Variants in PLPP4 observed in about 807,000 individuals in gnomAD.
PLPP4 encodes phospholipid phosphatase 4, also known as diacylglycerol pyrophosphate like 2.
In PLPP4, 20 loss-of-function variants were observed where a neutral mutation model predicts 32.2. That is an observed-to-expected ratio of 0.62 (90% CI 0.44 to 0.90). The LOEUF (loss-of-function observed/expected upper bound fraction) is 0.90, where lower values mean the gene tolerates loss of function less well. PLPP4 is among the 40% of genes least tolerant of loss of function. The probability of loss-of-function intolerance (pLI) is 0.00; values close to 1 mark genes in which losing one functional copy is unlikely to be tolerated. For missense variants in PLPP4, 257 were observed against 353.1 expected, an observed-to-expected ratio of 0.73 and a Z score of 2.18; for synonymous variants, 127 against 133.0, an observed-to-expected ratio of 0.95 and a Z score of 0.31.
At chr10:120,541,388 C>A (rs535808623) in intron 5 of PLPP4, among the ~76,000 whole-genome samples, 1 of 152,316 alleles carries the variant, frequency 6.6e-6, no homozygotes, top group South Asian at 2.1e-4. Flanking sequence ...AGAAACTGAT[C>A]TCTGTCCCCA....
At chr10:120,541,668 C>T (rs2133962411) in intron 5 of PLPP4, among the ~76,000 whole-genome samples, 1 of 152,258 alleles carries the variant, frequency 6.6e-6, no homozygotes, top group Non-Finnish European at 1.5e-5. Context: ...GATCCACCTG[C>T]TTCAGAAACT....
At chr10:120,514,361 T>C (rs1328339551) in intron 3 of PLPP4, among the ~76,000 whole-genome samples, 1 of 152,194 alleles carries the variant, frequency 6.6e-6, no homozygotes, top group African/African-American at 2.4e-5. Flanking sequence ...TTTTGGCTAA[T>C]AGACCCACAT....
At chr10:120,582,122 A>G (rs760945758) in intron 6 of PLPP4, among the ~76,000 whole-genome samples, 14 of 152,210 alleles carry the variant, frequency 9.2e-5, no homozygotes, top group African/African-American at 1.2e-4. Context: ...AGGTACTTGT[A>G]TCAGGGTCCT....
intron 5 of PLPP4, among the ~76,000 whole-genome samples, chr10:120,570,090 G>T (rs1207314173): frequency 1.3e-5 from 2 of 152,130 alleles, no homozygotes; most frequent in Non-Finnish European, 1.5e-5. Flanking sequence ...GGGATGAAAT[G>T]AGGCAACCTA....
intron 5 of PLPP4, among the ~76,000 whole-genome samples, chr10:120,528,785 T>G (rs1355120462): frequency 6.6e-6 from 1 of 152,208 alleles, no homozygotes; most frequent in East Asian, 1.9e-4. Context: ...TGTTGTTTTT[T>G]TGTTTTGTTT....
At chr10:120,463,811 G>A (rs1848185950) in intron 1 of PLPP4, among the ~76,000 whole-genome samples, 1 of 151,828 alleles carries the variant, frequency 6.6e-6, no homozygotes, top group South Asian at 2.1e-4. Flanking sequence ...AGGCCCCAGA[G>A]GATTCTTTTT....
intron 1 of PLPP4, among the ~76,000 whole-genome samples, chr10:120,496,912 A>T (rs2901243): frequency 6.7e-6 from 1 of 149,420 alleles, no homozygotes. Context: ...AGAATGTGTG[A>T]GTGTGTGTGT....
intron 5 of PLPP4, among the ~76,000 whole-genome samples, chr10:120,552,165 G>GGGGTGTGT (rs370982803): frequency 5.1e-5 from 7 of 138,546 alleles, no homozygotes; most frequent in East Asian, 2.2e-4. Flanking sequence ...GTGGTGGTGG[G>GGGGTGTGT]GTGTGTGTGT....
At chr10:120,542,436 G>A (rs1847390672) in intron 5 of PLPP4, among the ~76,000 whole-genome samples, 2 of 152,176 alleles carry the variant, frequency 1.3e-5, no homozygotes, top group Non-Finnish European at 2.9e-5. Context: ...CACAAAGGAA[G>A]CCTCTGGGTA....
chr10:120,509,429 T>C (rs566497489), intron 2 of PLPP4, among the ~76,000 whole-genome samples: 4 of 152,298 alleles, frequency 2.6e-5, no homozygotes, highest in African/African-American at 9.6e-5. Flanking sequence ...CATACAAAAC[T>C]AGCCACATTC....
intron 5 of PLPP4, among the ~76,000 whole-genome samples, chr10:120,545,381 A>G (rs1046595986): frequency 9.2e-5 from 14 of 152,248 alleles, no homozygotes; most frequent in Non-Finnish European, 1.9e-4. Flanking sequence ...ACACAAAGCC[A>G]AGGGACGAGT....
intron 5 of PLPP4, among the ~76,000 whole-genome samples, chr10:120,570,954 C>CA (rs2134040239): frequency 6.6e-6 from 1 of 152,188 alleles, no homozygotes; most frequent in South Asian, 2.1e-4. Flanking sequence ...CTTTCCTACT[C>CA]ACAGACAGAT....
intron 5 of PLPP4, among the ~76,000 whole-genome samples, chr10:120,564,955 A>G (rs1227036301): frequency 2.6e-5 from 4 of 151,942 alleles, no homozygotes; most frequent in Admixed American, 2.6e-4. Context: ...GTCCTTTCTT[A>G]TACTGTTTTT....
At chr10:120,487,697 A>G (rs1029484586) in intron 1 of PLPP4, among the ~76,000 whole-genome samples, 6 of 152,188 alleles carry the variant, frequency 3.9e-5, no homozygotes, top group African/African-American at 1.2e-4. Flanking sequence ...TGGCTTCTCC[A>G]TTGTTTGGGA....
intron 5 of PLPP4, among the ~76,000 whole-genome samples, chr10:120,523,080 G>C (rs1260365792): frequency 4.6e-5 from 7 of 152,094 alleles, no homozygotes; most frequent in African/African-American, 1.7e-4. Context: ...GGTGGATCAC[G>C]AGGTCAGGAG....
intron 1 of PLPP4, among the ~76,000 whole-genome samples, chr10:120,497,284 T>C (rs556938831): frequency 1.3e-5 from 2 of 152,196 alleles, no homozygotes; most frequent in Non-Finnish European, 2.9e-5. Flanking sequence ...GTTTTCTTCC[T>C]GCTTTTCATT....
At chr10:120,457,144 C>G (rs1847812478), upstream of PLPP4, 3 of 298,844 alleles carry the variant, frequency 1.0e-5, no homozygotes, top group Non-Finnish European at 1.7e-5. Context: ...TTAGGCTGAG[C>G]CCTCCCCGGC....
intron 1 of PLPP4, among the ~76,000 whole-genome samples, chr10:120,462,288 G>C (rs1257095104): frequency 6.6e-6 from 1 of 152,174 alleles, no homozygotes. Flanking sequence ...AGTGGCCTCA[G>C]GGCCCTGCAG....
intron 2 of PLPP4, among the ~76,000 whole-genome samples, chr10:120,505,959 ATGT>A (rs963024126): frequency 1.6e-4 from 24 of 152,286 alleles, no homozygotes; most frequent in Admixed American, 1.6e-3. Flanking sequence ...TTCATATGGG[ATGT>A]TGTGAGAAAT....
Sources: allele counts gnomAD v4.1 joint callset (sites outside exome capture counted in the v4.1 genomes callset), GRCh38; gene constraint gnomAD v4.1.1; transcripts MANE v1.5; gene names NCBI Gene and HGNC (gene_info 2026-07-23, HGNC 2026-07-21).